ZNF804B: variants seen among roughly 807,000 people sequenced by gnomAD.
The protein encoded by ZNF804B is zinc finger 804B.
In ZNF804B, 80 loss-of-function variants were observed where a neutral mutation model predicts 101.4. The observed-to-expected ratio is 0.79, with a 90% CI of 0.66 to 0.95. The LOEUF is 0.95. Ranked by LOEUF, ZNF804B falls within the 40% of genes least tolerant of loss-of-function variation. The probability of loss-of-function intolerance (pLI) is 0.00; values close to 1 mark genes in which losing one functional copy is unlikely to be tolerated. For missense variants in ZNF804B, 1,673 were observed against 1,561.9 expected (o/e 1.07, Z -1.20); for synonymous variants, 622 against 558.8 (o/e 1.11, Z -1.59).
intron 1 of ZNF804B, among the ~76,000 whole-genome samples, chr7:89,193,128 G>C (rs529595755): frequency 6.6e-6 from 1 of 152,018 alleles, no homozygotes; most frequent in Non-Finnish European, 1.5e-5. Context: ...ATTCAGCATA[G>C]TATTGGAAGT....
chr7:88,977,422 T>C (rs1026466509), intron 1 of ZNF804B, among the ~76,000 whole-genome samples: 2 of 151,604 alleles, frequency 1.3e-5, no homozygotes, highest in African/African-American at 4.8e-5. Flanking sequence ...TCTATTTTAC[T>C]ACTTGTTATT....
intron 1 of ZNF804B, among the ~76,000 whole-genome samples, chr7:88,770,069 A>T (rs1233044731): frequency 2.0e-5 from 3 of 152,170 alleles, no homozygotes; most frequent in Admixed American, 2.0e-4. Flanking sequence ...TCTTTGCCTT[A>T]TTTATAGAAT....
chr7:88,902,590 G>A lies in ZNF804B; in HGVS notation c.108+142506G>A, dbSNP rs76442764. On this transcript the variant is annotated intron_variant, in intron 1 of 3. Transcript: ENST00000333190. The stretch of plus-strand genomic sequence containing the variant: ...TGTTAAGCAAAAGTTAATGTGTTGA[G>A]TCCATTAAAGAGATAATGATTAATT... 5.9e-3 allele frequency among the ~76,000 whole-genome samples: 901 copies of A among 151,982 alleles called. 6 individuals are homozygous for A. The highest frequency in any genetic ancestry group is 0.02 in the African/African-American group (817 of 41,456).
intron 1 of ZNF804B, among the ~76,000 whole-genome samples, chr7:89,163,937 A>G (rs1208429272): frequency 6.6e-6 from 1 of 150,522 alleles, no homozygotes; most frequent in South Asian, 2.1e-4. Flanking sequence ...ATTCCTTCCC[A>G]CTAGATAGGT....
intron 1 of ZNF804B, among the ~76,000 whole-genome samples, chr7:88,834,326 A>T (rs13246749): frequency 0.24 from 37,124 of 151,614 alleles, 5,518 homozygotes; most frequent in East Asian, 0.7. Context: ...CCAGGAGTGT[A>T]GCTAAAAACC....
intron 1 of ZNF804B, among the ~76,000 whole-genome samples, chr7:89,008,505 A>T (rs1218636644): frequency 6.6e-6 from 1 of 152,162 alleles, no homozygotes; most frequent in Non-Finnish European, 1.5e-5. Context: ...TATTATTGCC[A>T]CACATTTCTT....
intron 1 of ZNF804B, among the ~76,000 whole-genome samples, chr7:89,154,985 C>A (rs1562899223): frequency 6.6e-6 from 1 of 151,852 alleles, no homozygotes; most frequent in Non-Finnish European, 1.5e-5. Context: ...TATTACATGC[C>A]TATATGAAAA....
intron 1 of ZNF804B, among the ~76,000 whole-genome samples, chr7:89,092,300 A>C (rs1224655042): frequency 6.6e-6 from 1 of 152,020 alleles, no homozygotes; most frequent in South Asian, 2.1e-4. Flanking sequence ...CTTTAGGCTT[A>C]ACATTTCAAC....
At chr7:88,774,999 T>C (rs1420987147) in intron 1 of ZNF804B, among the ~76,000 whole-genome samples, 1 of 152,204 alleles carries the variant, frequency 6.6e-6, no homozygotes, top group Admixed American at 6.5e-5. Flanking sequence ...CCTTACTACA[T>C]ACTGGGTACT....
chr7:88,805,930 C>T (rs1389379766), intron 1 of ZNF804B, among the ~76,000 whole-genome samples: 1 of 151,168 alleles, frequency 6.6e-6, no homozygotes, highest in African/African-American at 2.4e-5. Context: ...CTCTGTGTGC[C>T]TTGCGTGCTG....
At chr7:89,183,908 GT>G (rs1788337411) in intron 1 of ZNF804B, among the ~76,000 whole-genome samples, 1 of 152,116 alleles carries the variant, frequency 6.6e-6, no homozygotes, top group Non-Finnish European at 1.5e-5. Flanking sequence ...AAATCTTTTT[GT>G]GGGTCCTTAA....
intron 1 of ZNF804B, among the ~76,000 whole-genome samples, chr7:89,101,631 A>G (rs915703345): frequency 1.3e-5 from 2 of 151,994 alleles, no homozygotes; most frequent in Non-Finnish European, 2.9e-5. Context: ...ATTATAAGTA[A>G]CTGATGTAAA....
At chr7:88,770,836 T>C (rs1343859794) in intron 1 of ZNF804B, among the ~76,000 whole-genome samples, 2 of 152,208 alleles carry the variant, frequency 1.3e-5, no homozygotes, top group African/African-American at 4.8e-5. Flanking sequence ...TAAATTTCAT[T>C]GTTAAGACAT....
intron 1 of ZNF804B, among the ~76,000 whole-genome samples, chr7:89,143,179 G>C (rs1202722585): frequency 6.6e-6 from 1 of 151,848 alleles, no homozygotes; most frequent in Non-Finnish European, 1.5e-5. Context: ...GGGTGGGGGG[G>C]TTGGTAAAGC....
intron 1 of ZNF804B, among the ~76,000 whole-genome samples, chr7:88,973,176 A>G (rs1486710116): frequency 2.0e-5 from 3 of 150,638 alleles, no homozygotes; most frequent in Admixed American, 1.3e-4. Flanking sequence ...AGTTTTACAT[A>G]TTCATTAAAA....
chr7:89,072,366 G>C (rs986232442), intron 1 of ZNF804B, among the ~76,000 whole-genome samples: 4 of 152,054 alleles, frequency 2.6e-5, no homozygotes, highest in African/African-American at 9.7e-5. Context: ...TTCCTCTTTT[G>C]GTTTCTACTT....
intron 1 of ZNF804B, among the ~76,000 whole-genome samples, chr7:88,855,013 A>G (rs926186586): frequency 2.6e-5 from 4 of 151,984 alleles, no homozygotes; most frequent in African/African-American, 9.7e-5. Context: ...ATGGTTGGAC[A>G]TTTGGGTTGG....
chr7:89,094,064 C>T (rs1165258372), intron 1 of ZNF804B, among the ~76,000 whole-genome samples: 1 of 152,114 alleles, frequency 6.6e-6, no homozygotes, highest in East Asian at 1.9e-4. Flanking sequence ...TAGTCAAAGA[C>T]CTTACAAACA....
chr7:89,064,076 G>C (rs1345268567), intron 1 of ZNF804B, among the ~76,000 whole-genome samples: 2 of 152,112 alleles, frequency 1.3e-5, no homozygotes, highest in African/African-American at 4.8e-5. Context: ...ATTAGAGAAG[G>C]AGCTGAAGCA....
Sources: allele counts gnomAD v4.1 joint callset (sites outside exome capture counted in the v4.1 genomes callset), GRCh38; gene constraint gnomAD v4.1.1; transcripts MANE v1.5; gene names NCBI Gene and HGNC (gene_info 2026-07-23, HGNC 2026-07-21).